Variants in MMP16 observed in about 807,000 individuals in gnomAD.
The protein encoded by MMP16 is matrix metalloproteinase-16.
In MMP16, 12 loss-of-function variants were observed where a neutral mutation model predicts 67.8. That is an observed-to-expected ratio of 0.18 (90% CI 0.11 to 0.29). MMP16 has a LOEUF of 0.29. Ranked by LOEUF, MMP16 falls within the 10% of genes least tolerant of loss-of-function variation. The pLI, the probability that MMP16 is intolerant of heterozygous loss-of-function variation, is 1.00. For missense variants in MMP16, 475 were observed against 765.7 expected (o/e 0.62, Z 4.48); for synonymous variants, 249 against 255.9 (o/e 0.97, Z 0.26).
intron 4 of MMP16, among the ~76,000 whole-genome samples, chr8:88,140,907 C>T (rs1808201172): frequency 6.6e-6 from 1 of 152,018 alleles, no homozygotes; most frequent in East Asian, 1.9e-4. Context: ...ACTCCAAAAA[C>T]AAAAGGAGGT....
chr8:88,283,347 G>C (rs570651209), intron 1 of MMP16, among the ~76,000 whole-genome samples: 16 of 152,268 alleles, frequency 1.1e-4, no homozygotes, highest in Middle Eastern at 3.4e-3. Flanking sequence ...GGCAGACCAT[G>C]CTTCTGGGTA....
chr8:88,142,618 A>C (rs1808231323), intron 4 of MMP16, among the ~76,000 whole-genome samples: 1 of 152,166 alleles, frequency 6.6e-6, no homozygotes, highest in Admixed American at 6.5e-5. Context: ...TTACAGTGAA[A>C]GATTTACTAG....
chr8:88,177,485 G>C (rs1403219649), intron 3 of MMP16, among the ~76,000 whole-genome samples: 1 of 149,448 alleles, frequency 6.7e-6, no homozygotes, highest in Non-Finnish European at 1.5e-5. Flanking sequence ...CCCAGCCTTA[G>C]GGGTGGAGGG....
At chr8:88,089,090 T>C (rs977064852) in intron 6 of MMP16, among the ~76,000 whole-genome samples, 1 of 152,004 alleles carries the variant, frequency 6.6e-6, no homozygotes, top group Admixed American at 6.6e-5. Flanking sequence ...AATTTGAAAC[T>C]TTGTGAATGT....
At chr8:88,262,125 A>C (rs963540836) in intron 1 of MMP16, among the ~76,000 whole-genome samples, 6 of 152,198 alleles carry the variant, frequency 3.9e-5, no homozygotes, top group African/African-American at 1.4e-4. Flanking sequence ...CAATAATCCA[A>C]GCCACAGCTC....
chr8:88,126,034 T>A (rs893231016), intron 4 of MMP16, among the ~76,000 whole-genome samples: 11 of 151,910 alleles, frequency 7.2e-5, no homozygotes, highest in Non-Finnish European at 8.8e-5. Context: ...ATAATACAAA[T>A]TATTATTTAT....
rs1050573831 is a variant in MMP16, at chr8:88,058,955, A to T, written c.1223-2677T>A. Reference sequence around the variant, plus strand: ...TGATAGGCATTGCCAAGGGAAATAAAATAAAGATAATATTAAGAATGATCT... The same window carrying T: ...TGATAGGCATTGCCAAGGGAAATAATATAAAGATAATATTAAGAATGATCT... On this transcript the variant is annotated intron_variant, in intron 7 of 9. Transcript: ENST00000286614. This position sits in a 1 kb window ranked among gnomAD's most constrained non-coding sequence, Gnocchi z 4.2. 8.5e-5 allele frequency among the ~76,000 whole-genome samples: 13 copies of T among 152,128 alleles called. No homozygotes were observed. Among genetic ancestry groups the T allele is most frequent in the African/African-American group, 3.1e-4 (13 of 41,442 alleles).
intron 8 of MMP16, among the ~76,000 whole-genome samples, chr8:88,050,443 A>G (rs1808255518): frequency 6.6e-6 from 1 of 152,224 alleles, no homozygotes; most frequent in African/African-American, 2.4e-5. Flanking sequence ...TTTTCTGAGA[A>G]GTAGTTGCTT....
intron 1 of MMP16, among the ~76,000 whole-genome samples, chr8:88,252,808 A>G (rs934292783): frequency 2.6e-5 from 4 of 152,078 alleles, no homozygotes; most frequent in African/African-American, 4.8e-5. Context: ...ATCCAGCCTT[A>G]ATACATTAGC....
chr8:88,250,089 T>C (rs1810182939), intron 1 of MMP16, among the ~76,000 whole-genome samples: 2 of 152,212 alleles, frequency 1.3e-5, no homozygotes, highest in South Asian at 2.1e-4. Context: ...ACCAGAAATA[T>C]GTTCTAGCTG....
chr8:88,134,954 C>A (rs527318013), intron 4 of MMP16, among the ~76,000 whole-genome samples: 5 of 151,338 alleles, frequency 3.3e-5, no homozygotes, highest in Admixed American at 1.3e-4. Flanking sequence ...ACAGAATTTT[C>A]CCAAATAAGC....
At chr8:88,312,208 C>T (rs753857093) in intron 1 of MMP16, among the ~76,000 whole-genome samples, 37 of 152,130 alleles carry the variant, frequency 2.4e-4, no homozygotes, top group Non-Finnish European at 4.7e-4. Context: ...TCTCTTCATA[C>T]GGGTATTTTA....
At chr8:88,073,023 A>G (rs1050882875) in intron 7 of MMP16, among the ~76,000 whole-genome samples, 1 of 152,162 alleles carries the variant, frequency 6.6e-6, no homozygotes, top group Admixed American at 6.6e-5. Flanking sequence ...TGACTGTGGC[A>G]GTTTCGCCTC....
chr8:88,287,703 A>G (rs547124254), intron 1 of MMP16, among the ~76,000 whole-genome samples: 10 of 152,366 alleles, frequency 6.6e-5, no homozygotes, highest in African/African-American at 2.4e-4. Flanking sequence ...TCAACAAATA[A>G]TTAGCCCATT....
intron 1 of MMP16, among the ~76,000 whole-genome samples, chr8:88,259,422 T>A (rs925844450): frequency 1.3e-5 from 2 of 152,058 alleles, no homozygotes; most frequent in Non-Finnish European, 2.9e-5. Context: ...TTTAAGGCAT[T>A]TATGTAACTA....
intron 1 of MMP16, among the ~76,000 whole-genome samples, chr8:88,324,120 AGT>A (rs1173512338): frequency 1.3e-5 from 2 of 152,184 alleles, no homozygotes; most frequent in Non-Finnish European, 2.9e-5. Flanking sequence ...AAAGTAGAGC[AGT>A]GTATTGAATC....
intron 1 of MMP16, among the ~76,000 whole-genome samples, chr8:88,238,731 T>C (rs1809986444): frequency 6.6e-6 from 1 of 151,242 alleles, no homozygotes; most frequent in Non-Finnish European, 1.5e-5. Flanking sequence ...TTTTTTATAC[T>C]GCATATGTGT....
intron 1 of MMP16, among the ~76,000 whole-genome samples, chr8:88,260,740 A>T (rs1312553500): frequency 1.3e-5 from 2 of 152,184 alleles, no homozygotes; most frequent in Non-Finnish European, 2.9e-5. Context: ...ATTAAAAATT[A>T]GAAAAAATAT....
intron 7 of MMP16, among the ~76,000 whole-genome samples, chr8:88,065,996 G>T (rs1286401691): frequency 6.6e-6 from 1 of 151,840 alleles, no homozygotes; most frequent in Non-Finnish European, 1.5e-5. Context: ...ATATATTTTA[G>T]TTTCTATTCC....
Sources: gnomAD v4.1 joint callset for allele counts (sites outside exome capture counted in the v4.1 genomes callset) on GRCh38, gnomAD v4.1.1 for gene constraint, Gnocchi (gnomAD v3.1) non-coding constraint, MANE v1.5 for transcripts, NCBI Gene and HGNC (gene_info 2026-07-23, HGNC 2026-07-21) for gene names.